WNK1: variants seen among roughly 807,000 people sequenced by gnomAD.
WNK1 encodes the protein WNK lysine deficient protein kinase 1, also known as serine/threonine-protein kinase WNK1.
A neutral mutation model predicts 222.8 loss-of-function variants in WNK1; 38 were observed. The observed-to-expected ratio is 0.17, with a 90% CI of 0.13 to 0.22. The LOEUF (loss-of-function observed/expected upper bound fraction) is 0.22, where lower values mean the gene tolerates loss of function less well. Ranked by LOEUF, WNK1 falls within the 10% of genes least tolerant of loss-of-function variation. WNK1 has a pLI of 1.00. For synonymous variants in WNK1, 1,090 were observed against 1,092.9 expected (o/e 1.00, Z 0.05); for missense variants, 2,348 against 2,918.4 (o/e 0.80, Z 4.50).
At chr12:877,418 G>T (rs1256698409) in intron 9 of WNK1, among the ~76,000 whole-genome samples, 4 of 152,078 alleles carry the variant, frequency 2.6e-5, no homozygotes, top group Non-Finnish European at 5.9e-5. Context: ...TCATAGTCCT[G>T]TTTTGTTTGG....
At chr12:837,576 A>T (rs1195801374) in intron 4 of WNK1, among the ~76,000 whole-genome samples, 34 of 133,262 alleles carry the variant, frequency 2.6e-4, no homozygotes, top group Non-Finnish European at 3.1e-4. Flanking sequence ...CCTGTCTAAA[A>T]AAAAAAAAAA....
At chr12:852,510 A>C (rs993987050) in intron 4 of WNK1, among the ~76,000 whole-genome samples, 3 of 152,222 alleles carry the variant, frequency 2.0e-5, no homozygotes, top group African/African-American at 7.2e-5. Context: ...AAATATCTGT[A>C]GAGCCAGTGA....
chr12:827,367 C>G lies in WNK1; in HGVS notation c.1153+105C>G. On this transcript the variant is annotated intron_variant, in intron 3 of 27. Transcript: ENST00000315939. The surrounding 1 kb of genome is among the most constrained non-coding windows in gnomAD (Gnocchi z 4.6). Reference sequence around the variant, plus strand: ...TAAGTGATATAAACCTTAAGAAATTCATAGCTTGAACTCAGGAGGTGATCC... The same window carrying G: ...TAAGTGATATAAACCTTAAGAAATTGATAGCTTGAACTCAGGAGGTGATCC... 9.8e-7 allele frequency: 1 copy of G among 1,018,110 alleles called. No homozygotes were observed. Among genetic ancestry groups the G allele is most frequent in the Non-Finnish European group, 1.5e-6 (1 of 650,228 alleles). 63.1% of individuals were successfully genotyped at this position (1,018,110 alleles called of 1,614,324 possible).
At chr12:754,363 C>A (rs755391685) in intron 1 of WNK1, 39 bp downstream of exon 1, 1 of 1,612,656 alleles carries the variant, frequency 6.2e-7, no homozygotes, top group South Asian at 1.1e-5. Context: ...TCCTTTGGAT[C>A]CCAAATTTGG....
Position 861,259 on chromosome 12 carries a change from G to C in WNK1, c.1867G>C (p.Val623Leu), listed in dbSNP as rs747825454. 1.2e-6 allele frequency: 2 copies of C among 1,613,950 alleles called. No individual in the cohort carries two copies. Among genetic ancestry groups the C allele is most frequent in the Non-Finnish European group, 1.7e-6 (2 of 1,180,028 alleles). The change falls in exon 7 of 28, where the codon GTT becomes CTT. Residue 623 changes from valine (V) to leucine (L), a missense_variant. Val to Leu is a conservative substitution (Grantham distance 32). This residue lies in a region of WNK1 where 103 missense variants were observed against 111.5 expected (regional missense o/e 0.92). Coordinates refer to ENST00000315939, the MANE Select transcript of WNK1 (RefSeq NM_018979.4). ...TACTGCTTCTACCACTTCAGCTTCAGTTTCTACACAAGTAGAACCTGAAGA... is the reference window on the plus strand; with the variant it reads ...TACTGCTTCTACCACTTCAGCTTCACTTTCTACACAAGTAGAACCTGAAGA... ...IPTASTTSAS[V>L]STQVEPEEPE...
chr12:884,321 G>A lies in WNK1; in HGVS notation c.3844+78G>A. 1 of 1,580,060 alleles carries A rather than the reference G, an allele frequency of 6.3e-7. No homozygotes were observed. The highest frequency in any genetic ancestry group is 1.1e-5 in the South Asian group (1 of 89,460). On this transcript the variant is annotated intron_variant, in intron 18 of 27. Coordinates refer to ENST00000315939, the MANE Select transcript of WNK1 (RefSeq NM_018979.4). This position sits in a 1 kb window ranked among gnomAD's most constrained non-coding sequence, Gnocchi z 5.6. ...ATGTTGAAAGCTTAATCATAAAGCA[G>A]TAATTTATGATGACACAGATAATAA...
chr12:864,336 C>G (rs917544684), intron 8 of WNK1, among the ~76,000 whole-genome samples: 7 of 152,048 alleles, frequency 4.6e-5, no homozygotes, highest in Non-Finnish European at 8.8e-5. Flanking sequence ...GTCTTGAACT[C>G]TTGACCTCAA....
chr12:812,126 GC>G (rs1480488113), intron 1 of WNK1, among the ~76,000 whole-genome samples: 1 of 152,062 alleles, frequency 6.6e-6, no homozygotes, highest in Non-Finnish European at 1.5e-5. Context: ...TTTACAATAA[GC>G]TTTTACAAAC....
intron 14 of WNK1, 149 bp from the exon 15 acceptor site, chr12:882,794 A>G: frequency 1.5e-6 from 1 of 650,552 alleles, no homozygotes; most frequent in South Asian, 1.8e-5. Context: ...CTACCAGTTT[A>G]AGAGACAAAG....
intron 1 of WNK1, chr12:781,291 C>T (rs939456819): frequency 1.3e-5 from 2 of 153,098 alleles, no homozygotes; most frequent in Non-Finnish European, 2.9e-5. Context: ...GGGGAAAATA[C>T]TGTTTACTGC....
intron 26 of WNK1, among the ~76,000 whole-genome samples, chr12:903,427 C>T (rs1171217508): frequency 1.3e-5 from 2 of 152,064 alleles, no homozygotes; most frequent in Non-Finnish European, 2.9e-5. Flanking sequence ...GCATGTCCAC[C>T]TAGAAAGTTG....
chr12:766,591 G>T (rs1328786437), intron 1 of WNK1, among the ~76,000 whole-genome samples: 2 of 151,456 alleles, frequency 1.3e-5, no homozygotes, highest in Admixed American at 6.6e-5. Context: ...TGATTCTTCT[G>T]CCTTAGCCTC....
intron 20 of WNK1, 120 bp downstream of exon 20, chr12:887,424 CT>C: frequency 1.1e-6 from 1 of 922,446 alleles, no homozygotes; most frequent in Non-Finnish European, 1.8e-6. Flanking sequence ...TAACACCTTT[CT>C]TTTAAAATGT....
intron 9 of WNK1, 50 bp downstream of exon 9, chr12:871,398 CTAT>C: frequency 6.4e-7 from 1 of 1,573,308 alleles, no homozygotes; most frequent in East Asian, 2.2e-5. Flanking sequence ...GGCCAGAACA[CTAT>C]TTTAACTTTT....
intron 6 of WNK1, among the ~76,000 whole-genome samples, 168 bp from the exon 7 acceptor site, chr12:860,845 A>G (rs983035031): frequency 4.7e-5 from 7 of 150,316 alleles, no homozygotes; most frequent in African/African-American, 1.7e-4. Context: ...AGGGAAATGC[A>G]TAATGCAGAT....
At position 822,087 on chromosome 12, in the gene WNK1, C is replaced by CTTTT. The variant is rs376271992; in HGVS notation, c.933-4934_933-4931dup. Reference sequence around the variant, plus strand: ...TGTTTGTTTTCTGTATGTCTTATACCTTTTTTTTTTTTTTTTTTTTTTTTG... The same window carrying CTTTT: ...TGTTTGTTTTCTGTATGTCTTATACCTTTTTTTTTTTTTTTTTTTTTTTTTTTTG... On this transcript the variant is annotated intron_variant, in intron 2 of 27. Coordinates refer to ENST00000315939, the MANE Select transcript of WNK1 (RefSeq NM_018979.4). Among the ~76,000 whole-genome samples the CTTTT allele has an allele frequency of 4.7e-3, 336 of 71,470 alleles. 6 individuals are homozygous for CTTTT. Among genetic ancestry groups the CTTTT allele is most frequent in the East Asian group, 6.6e-3 (13 of 1,982 alleles). The allele number at this position is 71,470 out of a possible 152,430, so 46.9% of individuals were successfully genotyped here. A position where few individuals can be genotyped will look rare whatever the true frequency, so the allele number is the denominator to read the frequency against.
At chr12:813,986 G>A (rs1947120117) in intron 2 of WNK1, among the ~76,000 whole-genome samples, 172 bp downstream of exon 2, 1 of 152,170 alleles carries the variant, frequency 6.6e-6, no homozygotes, top group Non-Finnish European at 1.5e-5. Context: ...AGTATATAAA[G>A]TGATTTGATA....
intron 4 of WNK1, among the ~76,000 whole-genome samples, chr12:835,048 T>A (rs2154031451): frequency 6.6e-6 from 1 of 152,318 alleles, no homozygotes; most frequent in African/African-American, 2.4e-5. Context: ...GCTGGGCCTG[T>A]AGGCTCACGC....
In WNK1 at chr12:890,382, A is replaced by G. The variant is rs1387178916; in HGVS notation, c.5449-71A>G. 4 of 1,542,648 alleles carry G rather than the reference A, an allele frequency of 2.6e-6. No homozygotes were observed. In the African/African-American group the frequency reaches 5.4e-5, roughly 21 times the overall value. ...CTGCCCTTTTACAAAGACCATAGGAAAGGCAACGAGGCAAAAGTTTGAGTG... is the reference window on the plus strand; with the variant it reads ...CTGCCCTTTTACAAAGACCATAGGAGAGGCAACGAGGCAAAAGTTTGAGTG... On this transcript the variant is annotated intron_variant, in intron 21 of 27. Transcript: ENST00000315939.
Sources: gnomAD v4.1 joint callset for allele counts (sites outside exome capture counted in the v4.1 genomes callset) on GRCh38, gnomAD v4.1.1 for gene constraint, gnomAD v4.1.1 regional missense constraint, Gnocchi (gnomAD v3.1) non-coding constraint, MANE v1.5 for transcripts, NCBI Gene and HGNC (gene_info 2026-07-23, HGNC 2026-07-21) for gene names.